MACROD2: variants seen among roughly 807,000 people sequenced by gnomAD.
The protein encoded by MACROD2 is ADP-ribose glycohydrolase MACROD2.
A neutral mutation model predicts 70.4 loss-of-function variants in MACROD2; 36 were observed. That is an observed-to-expected ratio of 0.51 (90% CI 0.39 to 0.68). The LOEUF (loss-of-function observed/expected upper bound fraction) is 0.68. Among genes scored for constraint, MACROD2 ranks in the 30% least tolerant of loss-of-function variants. MACROD2 has a pLI of 0.00. For synonymous variants in MACROD2, 172 were observed against 178.8 expected, an observed-to-expected ratio of 0.96 and a Z score of 0.30; for missense variants, 496 against 538.4, an observed-to-expected ratio of 0.92 and a Z score of 0.78.
intron 5 of MACROD2, among the ~76,000 whole-genome samples, chr20:15,220,511 A>G (rs2145964557): frequency 6.6e-6 from 1 of 152,362 alleles, no homozygotes; most frequent in African/African-American, 2.4e-5. Flanking sequence ...CTTGAATGAT[A>G]GGGCATTCCC....
chr20:15,951,306 G>GACAC (rs58032991), intron 12 of MACROD2, among the ~76,000 whole-genome samples: 10,364 of 135,478 alleles, frequency 0.076, 408 homozygotes, highest in South Asian at 0.12. Flanking sequence ...TATTTATCTA[G>GACAC]ACACACACAC....
intron 7 of MACROD2, among the ~76,000 whole-genome samples, chr20:15,481,088 G>A (rs993820637): frequency 6.6e-6 from 1 of 152,182 alleles, no homozygotes; most frequent in Non-Finnish European, 1.5e-5. Context: ...AGGACCACAC[G>A]TATTTAATAT....
intron 15 of MACROD2, among the ~76,000 whole-genome samples, chr20:15,995,019 G>A (rs1478044221): frequency 6.6e-6 from 1 of 152,040 alleles, no homozygotes; most frequent in African/African-American, 2.4e-5. Context: ...CTAGAAAATG[G>A]AAACTTGATT....
At chr20:14,209,365 A>G (rs543029347) in intron 3 of MACROD2, among the ~76,000 whole-genome samples, 2 of 152,130 alleles carry the variant, frequency 1.3e-5, no homozygotes, top group Non-Finnish European at 2.9e-5. Flanking sequence ...CAAGGCCTCT[A>G]TCTCTTCCCT....
intron 8 of MACROD2, among the ~76,000 whole-genome samples, chr20:15,536,623 A>G (rs1253466389): frequency 1.3e-5 from 2 of 152,198 alleles, no homozygotes; most frequent in Non-Finnish European, 2.9e-5. Context: ...TTAAGAAACA[A>G]AAGTGAAGTC....
At chr20:14,743,962 C>T (rs954468653) in intron 5 of MACROD2, among the ~76,000 whole-genome samples, 1 of 151,810 alleles carries the variant, frequency 6.6e-6, no homozygotes, top group Non-Finnish European at 1.5e-5. Context: ...GGCCACAAGC[C>T]AAGAAAAATA....
At chr20:15,949,277 C>G (rs1250573341) in intron 12 of MACROD2, among the ~76,000 whole-genome samples, 1 of 152,118 alleles carries the variant, frequency 6.6e-6, no homozygotes, top group Non-Finnish European at 1.5e-5. Flanking sequence ...GAGTTGGCAG[C>G]ATTATTGTTT....
At chr20:14,636,652 C>T (rs907340088) in intron 4 of MACROD2, 3 of 152,150 alleles carry the variant, frequency 2.0e-5, no homozygotes, top group African/African-American at 4.8e-5. Context: ...ATGTGATCTG[C>T]ACCTGTGATC....
At chr20:14,333,898 G>A (rs749969297) in intron 3 of MACROD2, among the ~76,000 whole-genome samples, 3 of 152,162 alleles carry the variant, frequency 2.0e-5, no homozygotes, top group Non-Finnish European at 4.4e-5. Context: ...TTAACCAAAT[G>A]TGGTCTGTGG....
intron 13 of MACROD2, among the ~76,000 whole-genome samples, chr20:15,980,808 A>C (rs1254777657): frequency 2.6e-5 from 4 of 152,178 alleles, no homozygotes; most frequent in Non-Finnish European, 4.4e-5. Context: ...ATTTTGATAG[A>C]TAGCATTTCT....
At chr20:14,433,583 T>G (rs2084020338) in intron 3 of MACROD2, among the ~76,000 whole-genome samples, 1 of 152,110 alleles carries the variant, frequency 6.6e-6, no homozygotes, top group South Asian at 2.1e-4. Flanking sequence ...GTCATTCTTA[T>G]TTAAACAGTG....
At chr20:14,608,227 A>T (rs1439186851) in intron 4 of MACROD2, among the ~76,000 whole-genome samples, 1 of 152,112 alleles carries the variant, frequency 6.6e-6, no homozygotes, top group Admixed American at 6.6e-5. Context: ...TTGCACTCCA[A>T]CCTGGGCAAC....
At chr20:14,450,898 G>A (rs527537711) in intron 3 of MACROD2, among the ~76,000 whole-genome samples, 4 of 152,210 alleles carry the variant, frequency 2.6e-5, no homozygotes, top group Admixed American at 2.0e-4. Flanking sequence ...CATGAAGTTC[G>A]TTTTGTGGTA....
intron 3 of MACROD2, among the ~76,000 whole-genome samples, chr20:14,476,751 A>C (rs1358491096): frequency 3.9e-5 from 6 of 152,240 alleles, no homozygotes; most frequent in African/African-American, 1.4e-4. Context: ...ATCTGACTTA[A>C]TATTTTAATG....
At chr20:15,066,882 G>GAA (rs753955005) in intron 5 of MACROD2, among the ~76,000 whole-genome samples, 2 of 105,914 alleles carry the variant, frequency 1.9e-5, no homozygotes, top group African/African-American at 7.1e-5. Flanking sequence ...ACTCTGTCTC[G>GAA]AAAAAAAAAA....
At chr20:14,496,404 C>A (rs564511323) in intron 4 of MACROD2, among the ~76,000 whole-genome samples, 1 of 152,232 alleles carries the variant, frequency 6.6e-6, no homozygotes. Context: ...TTATTGTATG[C>A]AAAATTGTAT....
At chr20:15,896,536 C>CTCTTT (rs1555792107) in intron 10 of MACROD2, among the ~76,000 whole-genome samples, 2 of 144,830 alleles carry the variant, frequency 1.4e-5, no homozygotes, top group South Asian at 2.2e-4. Context: ...ATGTCACAAT[C>CTCTTT]TTTTTTTTTT....
chr20:15,192,395 CTG>C (rs2076578221), intron 5 of MACROD2, among the ~76,000 whole-genome samples: 1 of 152,214 alleles, frequency 6.6e-6, no homozygotes, highest in African/African-American at 2.4e-5. Flanking sequence ...TCAAATCAAA[CTG>C]TTGTTCCTTT....
intron 4 of MACROD2, among the ~76,000 whole-genome samples, chr20:14,678,993 T>C (rs2070896614): frequency 6.6e-6 from 1 of 151,898 alleles, no homozygotes; most frequent in Non-Finnish European, 1.5e-5. Context: ...CCACATTTAA[T>C]TGAATCAAAA....
Sources: allele counts gnomAD v4.1 joint callset (sites outside exome capture counted in the v4.1 genomes callset), GRCh38; gene constraint gnomAD v4.1.1; transcripts MANE v1.5; gene names NCBI Gene and HGNC (gene_info 2026-07-23, HGNC 2026-07-21).